The following AK4 variants were observed in gnomAD, a reference collection of about 807,000 sequenced individuals.
AK4 encodes the protein adenylate kinase 4, also known as adenylate kinase 4, mitochondrial.
In AK4, 13 loss-of-function variants were observed where a neutral mutation model predicts 24.6. The ratio of observed to expected loss-of-function variants is 0.53; its 90% CI spans 0.34 to 0.84. AK4 has a LOEUF of 0.84. AK4 is among the 40% of genes least tolerant of loss of function. The pLI is 0.01. For missense variants in AK4, 192 were observed against 288.2 expected (o/e 0.67, Z 2.42); for synonymous variants, 88 against 107.0 (o/e 0.82, Z 1.10).
chr1:65,202,631 A>G (rs1251942150), intron 2 of AK4, among the ~76,000 whole-genome samples: 2 of 152,134 alleles, frequency 1.3e-5, no homozygotes, highest in African/African-American at 4.8e-5. Context: ...TCCCTAATTT[A>G]TGAAACAGGT....
chr1:65,168,641 T>C (rs967546812), intron 1 of AK4, among the ~76,000 whole-genome samples: 2 of 152,148 alleles, frequency 1.3e-5, no homozygotes, highest in Non-Finnish European at 2.9e-5. Context: ...ATTTGGAAAG[T>C]ATTTCTGAAC....
intron 2 of AK4, among the ~76,000 whole-genome samples, chr1:65,206,980 C>T (rs780936622): frequency 4.6e-5 from 7 of 152,154 alleles, no homozygotes; most frequent in Non-Finnish European, 8.8e-5. Context: ...GAAAAATCCT[C>T]GCGATGATCC....
chr1:65,172,056 A>T (rs1421724673), intron 1 of AK4, among the ~76,000 whole-genome samples: 1 of 65,330 alleles, frequency 1.5e-5, no homozygotes, highest in African/African-American at 3.7e-5. Flanking sequence ...GAGAGACTCC[A>T]TCTCAAGTAT....
At chr1:65,158,452 A>G (rs920033077) in intron 1 of AK4, among the ~76,000 whole-genome samples, 1 of 152,214 alleles carries the variant, frequency 6.6e-6, no homozygotes, top group African/African-American at 2.4e-5. Context: ...GTACTTTCAC[A>G]ATGGACAATG....
At chr1:65,216,815 C>T (rs1652147836) in intron 2 of AK4, among the ~76,000 whole-genome samples, 1 of 130,284 alleles carries the variant, frequency 7.7e-6, no homozygotes, top group Admixed American at 7.0e-5. Context: ...CCCACCTCAG[C>T]TTCCCAAGTA....
chr1:65,213,734 T>C (rs574283634), intron 2 of AK4, among the ~76,000 whole-genome samples: 42 of 152,176 alleles, frequency 2.8e-4, no homozygotes, highest in African/African-American at 9.9e-4. Context: ...ATGGGCTGAG[T>C]TGTGGGTGTG....
intron 1 of AK4, among the ~76,000 whole-genome samples, chr1:65,174,665 G>A (rs1650653109): frequency 6.6e-6 from 1 of 152,206 alleles, no homozygotes; most frequent in South Asian, 2.1e-4. Flanking sequence ...TACGGTGTGA[G>A]AGAAATTGCT....
chr1:65,217,156 G>A (rs1242795135), intron 2 of AK4, among the ~76,000 whole-genome samples: 1 of 152,200 alleles, frequency 6.6e-6, no homozygotes, highest in Non-Finnish European at 1.5e-5. Flanking sequence ...TGGAGAGTTA[G>A]CAAGCAATAG....
chr1:65,156,250 C>G (rs1649980662), intron 1 of AK4, among the ~76,000 whole-genome samples: 1 of 152,044 alleles, frequency 6.6e-6, no homozygotes, highest in South Asian at 2.1e-4. Context: ...CTCTTGGTTC[C>G]CCAGTTTCTC....
intron 1 of AK4, among the ~76,000 whole-genome samples, chr1:65,187,451 T>C (rs2101035733): frequency 6.6e-6 from 1 of 151,796 alleles, no homozygotes; most frequent in East Asian, 1.9e-4. Context: ...AAGGAGTGAC[T>C]GCTAATGGGT....
chr1:65,202,866 CTTTT>C (rs34143736), intron 2 of AK4, among the ~76,000 whole-genome samples: 363 of 91,820 alleles, frequency 4.0e-3, no homozygotes, highest in African/African-American at 0.015. Context: ...GCTGTGTAGT[CTTTT>C]TTTTTTTTTT....
chr1:65,171,653 G>A (rs770645961), intron 1 of AK4, among the ~76,000 whole-genome samples: 1 of 152,068 alleles, frequency 6.6e-6, no homozygotes, highest in Non-Finnish European at 1.5e-5. Context: ...TTGATCGTTT[G>A]CCTAAAATAT....
At chr1:65,208,231 G>T (rs1651869738) in intron 2 of AK4, among the ~76,000 whole-genome samples, 1 of 152,172 alleles carries the variant, frequency 6.6e-6, no homozygotes, top group Non-Finnish European at 1.5e-5. Flanking sequence ...GACAGCTGCT[G>T]CTTCTTTTCA....
chr1:65,206,081 A>G (rs1486760624), intron 2 of AK4, among the ~76,000 whole-genome samples: 1 of 152,080 alleles, frequency 6.6e-6, no homozygotes, highest in Non-Finnish European at 1.5e-5. Flanking sequence ...CTGTCTACCT[A>G]CGTCACTCTC....
intron 1 of AK4, 30 bp downstream of exon 1, chr1:65,148,582 G>A (rs1260422005): frequency 1.3e-6 from 2 of 1,571,690 alleles, no homozygotes; most frequent in Middle Eastern, 1.8e-4. Context: ...AGGGCCGGGG[G>A]CGAGCCGCGT....
At chr1:65,152,360 C>CTCTCTCTCTATATA (rs1277948363) in intron 1 of AK4, among the ~76,000 whole-genome samples, 2 of 27,960 alleles carry the variant, frequency 7.2e-5, no homozygotes, top group African/African-American at 2.2e-4. Flanking sequence ...CTCTCTCTCT[C>CTCTCTCTCTATATA]TATATATATA....
At chr1:65,216,479 C>T (rs568328699) in intron 2 of AK4, among the ~76,000 whole-genome samples, 4 of 152,238 alleles carry the variant, frequency 2.6e-5, no homozygotes, top group African/African-American at 7.2e-5. Context: ...CTCCCGCTTC[C>T]CCAAAGTTCA....
chr1:65,219,513 T>C (rs541225230), intron 3 of AK4, among the ~76,000 whole-genome samples: 20 of 152,280 alleles, frequency 1.3e-4, no homozygotes, highest in African/African-American at 4.3e-4. Context: ...TGTAGTGGAA[T>C]GGTTAAATAC....
chr1:65,227,238 G>A lies in AK4; in HGVS notation c.*1061G>A, dbSNP rs1652493710. The A allele has an allele frequency of 7.4e-6, 1 of 134,560 alleles. No homozygotes were observed. Among genetic ancestry groups the A allele is most frequent in the South Asian group, 2.7e-4 (1 of 3,644 alleles). The allele number at this position is 134,560 out of a possible 1,614,324, so 8.3% of individuals were successfully genotyped here. ...GAAAGTGCTGCTAACTATTGATGCTGACAGTGTTTCACTCCTATGAGTGAC... is the reference window on the plus strand; with the variant it reads ...GAAAGTGCTGCTAACTATTGATGCTAACAGTGTTTCACTCCTATGAGTGAC... On this transcript the variant is annotated 3_prime_UTR_variant, in exon 5 of 5. Coordinates refer to ENST00000327299, the MANE Select transcript of AK4 (RefSeq NM_013410.4).
Sources: gnomAD v4.1 joint callset for allele counts (sites outside exome capture counted in the v4.1 genomes callset) on GRCh38, gnomAD v4.1.1 for gene constraint, MANE v1.5 for transcripts, NCBI Gene and HGNC (gene_info 2026-07-23, HGNC 2026-07-21) for gene names.